The following FBXO44 variants were observed in gnomAD, a reference collection of about 807,000 sequenced individuals.
The protein encoded by FBXO44 is F-box only protein 44.
FBXO44 carries 25 observed loss-of-function variants against 33.5 expected under a neutral mutation model. The ratio of observed to expected loss-of-function variants is 0.75; its 90% CI spans 0.54 to 1.04. FBXO44 has a LOEUF of 1.04. FBXO44 is among the 50% of genes least tolerant of loss of function. FBXO44 has a pLI of 0.00. For missense variants in FBXO44, 311 were observed against 344.0 expected (o/e 0.90, Z 0.76); for synonymous variants, 147 against 152.8 (o/e 0.96, Z 0.28).
Position 11,661,222 on chromosome 1 carries a change from C to G in FBXO44, c.717C>G (p.Tyr239Ter). The part of the protein sequence containing the change: ...GVDTHYWAGW[Y>*]GPRVTNSSIT... ...ACACTCATTACTGGGCCGGCTGGTACGGCCCGAGGGTCACCAACAGCAGCA... is the reference window on the plus strand; with the variant it reads ...ACACTCATTACTGGGCCGGCTGGTAGGGCCCGAGGGTCACCAACAGCAGCA... Residue 239 changes from tyrosine to a stop codon, truncating the protein, a stop_gained, in exon 6 of 6, where the codon TAC becomes TAG. Transcript: ENST00000251547. LOFTEE classifies it high-confidence loss of function. The surrounding 1 kb of genome is among the most constrained non-coding windows in gnomAD (Gnocchi z 4.4). 6.2e-7 allele frequency: 1 copy of G among 1,614,118 alleles called. No homozygotes were observed. The highest frequency in any genetic ancestry group is 8.5e-7 in the Non-Finnish European group (1 of 1,180,020).
In FBXO44 at chr1:11,661,014, C is replaced by A; in HGVS notation, c.625-116C>A. 2.7e-6 allele frequency: 3 copies of A among 1,120,486 alleles called. No individual in the cohort carries two copies. The highest frequency in any genetic ancestry group is 3.8e-6 in the Non-Finnish European group (3 of 781,444). 69.4% of individuals were successfully genotyped at this position (1,120,486 alleles called of 1,614,324 possible). A position where few individuals can be genotyped will look rare whatever the true frequency, so the allele number is the denominator to read the frequency against. On this transcript the variant is annotated intron_variant, in intron 5 of 5. Transcript: ENST00000251547. This position sits in a 1 kb window ranked among gnomAD's most constrained non-coding sequence, Gnocchi z 4.4. Reference sequence around the variant, plus strand: ...ACAAGACTAGTTGCAAACTCCTGGGCTCAAACAACCCTCCCACCTCAGCCT... The same window carrying A: ...ACAAGACTAGTTGCAAACTCCTGGGATCAAACAACCCTCCCACCTCAGCCT...
At chr1:11,659,440 T>C (rs1339310553) in intron 5 of FBXO44, among the ~76,000 whole-genome samples, 1 of 152,244 alleles carries the variant, frequency 6.6e-6, no homozygotes, top group Admixed American at 6.5e-5. Context: ...TACTAATTAC[T>C]AGTATTGATT....
chr1:11,654,499 G>A (rs1260010933), upstream of FBXO44: 4 of 595,792 alleles, frequency 6.7e-6, no homozygotes, highest in Non-Finnish European at 9.8e-6. Flanking sequence ...CTCTGGCCCC[G>A]CGCCCGGCCG....
intron 4 of FBXO44, 50 bp from the exon 5 acceptor site, chr1:11,658,686 G>A (rs200078448): frequency 3.0e-4 from 270 of 908,530 alleles, no homozygotes; most frequent in Non-Finnish European, 3.9e-4. Context: ...CCCCACCCCC[G>A]CCCTGCCCCC....
Position 11,661,852 on chromosome 1 carries a change from G to A in FBXO44, c.*579G>A, listed in dbSNP as rs567575255. 6.5e-6 allele frequency: 1 copy of A among 154,226 alleles called. No homozygotes were observed. The highest frequency in any genetic ancestry group is 2.0e-4 in the South Asian group (1 of 4,940). The allele number at this position is 154,226 out of a possible 1,614,324, so 9.6% of individuals were successfully genotyped here. On this transcript the variant is annotated 3_prime_UTR_variant, in exon 6 of 6. Transcript: ENST00000251547. This position sits in a 1 kb window ranked among gnomAD's most constrained non-coding sequence, Gnocchi z 4.4. ...GCTTTGGCCCAGAGGCTCAGGCCGG[G>A]ACTGAGATGGACAGACCCAGGGTGG...
Position 11,658,275 on chromosome 1 carries a change from G to C in FBXO44, c.274G>C (p.Glu92Gln), listed in dbSNP as rs766909725. The C allele has an allele frequency of 4.3e-6, 7 of 1,613,690 alleles. No homozygotes were observed. Among genetic ancestry groups the C allele is most frequent in the Non-Finnish European group, 5.9e-6 (7 of 1,179,954 alleles). The change falls in exon 3 of 6, where the codon GAG becomes CAG. Residue 92 changes from glutamate to glutamine, a missense_variant. Glu to Gln is a conservative substitution (Grantham distance 29). Transcript: ENST00000251547. ...LHNPCAEEGF[E>Q]FWSLDVNGGD... is the part of the protein sequence containing the mutation. ...CTCTGCTTTTCCATCAGAGGGGTTC[G>C]AGTTCTGGAGCCTGGATGTGAATGG... is the stretch of plus-strand genomic sequence containing the variant.
rs139690591 is a variant in FBXO44, at chr1:11,656,403, C to T, written c.265+303C>T. ...CAATCTTGGCTCACTGTAACCTCCA[C>T]CTCCCAAGTTCAGCCTCCCAAGTAG... is the stretch of plus-strand genomic sequence containing the variant. On this transcript the variant is annotated intron_variant, in intron 2 of 5. Coordinates refer to ENST00000251547, the MANE Select transcript of FBXO44 (RefSeq NM_033182.7). 1.3e-3 allele frequency among the ~76,000 whole-genome samples: 196 copies of T among 150,756 alleles called. 1 individual carries two copies. Among genetic ancestry groups the T allele is most frequent in the African/African-American group, 4.5e-3 (185 of 40,970 alleles).
At chr1:11,659,686 G>T (rs1234079975) in intron 5 of FBXO44, among the ~76,000 whole-genome samples, 1 of 152,074 alleles carries the variant, frequency 6.6e-6, no homozygotes, top group African/African-American at 2.4e-5. Flanking sequence ...TGTAGAGATG[G>T]AGTTTTGCTT....
chr1:11,658,608 G>A lies in FBXO44; in HGVS notation c.468G>A (p.Pro156=), dbSNP rs371284261. 1.9e-5 allele frequency: 30 copies of A among 1,613,462 alleles called. No individual in the cohort carries two copies. The highest frequency in any genetic ancestry group is 1.7e-4 in the Middle Eastern group (1 of 5,988). Residue 156 remains proline, a synonymous_variant, in exon 4 of 6, where the codon CCG becomes CCA. Coordinates refer to ENST00000251547, the MANE Select transcript of FBXO44 (RefSeq NM_033182.7). ...YWEELMDTTR[P]DIEVKDWFAA... is the part of the protein sequence containing the mutation. ...AGGAGCTGATGGATACCACACGGCC[G>A]GACATCGAGGTCAAGGACTGGTGAG...
chr1:11,658,884 G>A lies in FBXO44; in HGVS notation c.624+13G>A, dbSNP rs1557662781. 2 of 1,602,902 alleles carry A rather than the reference G, an allele frequency of 1.2e-6. No individual in the cohort carries two copies. Among genetic ancestry groups the A allele is most frequent in the Admixed American group, 1.7e-5 (1 of 60,010 alleles). ...CAAGTGGAGGGAGGTGCGTGGGCCT[G>A]GGGGACGGGGGCAGAGGCAGATCGT... On this transcript the variant is annotated intron_variant, in intron 5 of 5. Coordinates refer to ENST00000251547, the MANE Select transcript of FBXO44 (RefSeq NM_033182.7).
chr1:11,663,152 G>A lies in FBXO44; in HGVS notation c.*1879G>A, dbSNP rs759966329. The A allele has an allele frequency of 6.6e-6, 1 of 151,904 alleles. No homozygotes were observed. Among genetic ancestry groups the A allele is most frequent in the Non-Finnish European group, 1.5e-5 (1 of 67,972 alleles). 9.4% of individuals were successfully genotyped at this position (151,904 alleles called of 1,614,324 possible). A position where few individuals can be genotyped will look rare whatever the true frequency, so the allele number is the denominator to read the frequency against. ...TGTTTGTATTTTTAGTAGAGATGGAGTTTCACCATGTTGGCCAGGGTGGTC... is the reference window on the plus strand; with the variant it reads ...TGTTTGTATTTTTAGTAGAGATGGAATTTCACCATGTTGGCCAGGGTGGTC... On this transcript the variant is annotated 3_prime_UTR_variant, in exon 6 of 6. Coordinates refer to ENST00000251547, the MANE Select transcript of FBXO44 (RefSeq NM_033182.7).
At chr1:11,656,983 A>G (rs1409938376) in intron 2 of FBXO44, among the ~76,000 whole-genome samples, 1 of 152,110 alleles carries the variant, frequency 6.6e-6, no homozygotes. Flanking sequence ...TCTTCTCAGT[A>G]TGTTACAACA....
chr1:11,660,108 G>A (rs1640086186), intron 5 of FBXO44, among the ~76,000 whole-genome samples: 1 of 152,198 alleles, frequency 6.6e-6, no homozygotes. Flanking sequence ...GTTAGTAAGA[G>A]CCAGTTCCTA....
At chr1:11,657,622 T>C (rs1438148761) in intron 2 of FBXO44, among the ~76,000 whole-genome samples, 6 of 152,066 alleles carry the variant, frequency 3.9e-5, no homozygotes, top group African/African-American at 1.4e-4. Context: ...GCACCTGTAA[T>C]CCCAGCTACT....
chr1:11,657,234 C>T (rs188847182), intron 2 of FBXO44, among the ~76,000 whole-genome samples: 3 of 152,200 alleles, frequency 2.0e-5, no homozygotes, highest in Admixed American at 6.5e-5. Flanking sequence ...AAAAACTATA[C>T]AATAGAGATA....
intron 5 of FBXO44, among the ~76,000 whole-genome samples, chr1:11,659,326 C>T (rs770783899): frequency 3.2e-4 from 48 of 151,872 alleles, no homozygotes; most frequent in African/African-American, 5.1e-4. Context: ...TGCCGTGAGC[C>T]GAGATCGCGC....
chr1:11,660,927 A>G (rs1444660953), intron 5 of FBXO44, among the ~76,000 whole-genome samples: 1 of 151,344 alleles, frequency 6.6e-6, no homozygotes, highest in Non-Finnish European at 1.5e-5. Context: ...ACAGGCACAC[A>G]CCACCATGCC....
rs1640236701 is a variant in FBXO44 at position 11,662,362 on chromosome 1, A to G, written c.*1089A>G. 1 of 152,284 alleles carries G rather than the reference A, an allele frequency of 6.6e-6. No individual in the cohort carries two copies. Among genetic ancestry groups the G allele is most frequent in the African/African-American group, 2.4e-5 (1 of 41,454 alleles). The allele number at this position is 152,284 out of a possible 1,614,324, so 9.4% of individuals were successfully genotyped here. A position where few individuals can be genotyped will look rare whatever the true frequency, so the allele number is the denominator to read the frequency against. On this transcript the variant is annotated 3_prime_UTR_variant, in exon 6 of 6. Coordinates refer to ENST00000251547, the MANE Select transcript of FBXO44 (RefSeq NM_033182.7). ...CCTGCCTGGACCTGCAGATGGTACAATGGCATGGCTTCTGTCTAAGGTACA... is the reference window on the plus strand; with the variant it reads ...CCTGCCTGGACCTGCAGATGGTACAGTGGCATGGCTTCTGTCTAAGGTACA...
At chr1:11,659,404 A>G (rs1214441762) in intron 5 of FBXO44, among the ~76,000 whole-genome samples, 3 of 152,208 alleles carry the variant, frequency 2.0e-5, no homozygotes, top group Admixed American at 6.5e-5. Context: ...GAAAAGAAAA[A>G]AAATTCCAAA....
Sources: gnomAD v4.1 joint callset for allele counts (sites outside exome capture counted in the v4.1 genomes callset) on GRCh38, gnomAD v4.1.1 for gene constraint, Gnocchi (gnomAD v3.1) non-coding constraint, MANE v1.5 for transcripts, NCBI Gene and HGNC (gene_info 2026-07-23, HGNC 2026-07-21) for gene names.